Variants in LRFN2 observed in about 807,000 individuals in gnomAD.
The protein encoded by LRFN2 is leucine rich repeat and fibronectin type III domain containing 2.
LRFN2 carries 18 observed loss-of-function variants against 37.3 expected under a neutral mutation model. That is an observed-to-expected ratio of 0.48 (90% CI 0.33 to 0.72). The LOEUF is 0.72. Among genes scored for constraint, LRFN2 ranks in the 30% least tolerant of loss-of-function variants. The pLI, the probability that LRFN2 is intolerant of heterozygous loss-of-function variation, is 0.02. For missense variants in LRFN2, 1,006 were observed against 1,060.7 expected, an observed-to-expected ratio of 0.95 and a Z score of 0.72; for synonymous variants, 556 against 466.6, an observed-to-expected ratio of 1.19 and a Z score of -2.47.
In LRFN2 at chr6:40,401,953, C is replaced by T. The variant is rs554455926; in HGVS notation, c.1401-9041G>A. Among the ~76,000 whole-genome samples, 5 of 152,272 alleles carry T rather than the reference C, an allele frequency of 3.3e-5. No homozygotes were observed. In the South Asian group the frequency reaches 1.0e-3, roughly 32 times the overall value. ...CCCCTGGCTCTCTGTGTCCTCATTA[C>T]TGGCTCTTCACAGAACCACTGGCTT... is the stretch of plus-strand genomic sequence containing the variant. On this transcript the variant is annotated intron_variant, in intron 2 of 2. Coordinates refer to ENST00000338305, the MANE Select transcript of LRFN2 (RefSeq NM_020737.3).
At chr6:40,418,678 C>T (rs1159556512) in intron 2 of LRFN2, among the ~76,000 whole-genome samples, 2 of 152,198 alleles carry the variant, frequency 1.3e-5, no homozygotes, top group African/African-American at 4.8e-5. Context: ...CTCAAGCTCC[C>T]CTGCCTCCAA....
chr6:40,413,966 G>C (rs1205772326), intron 2 of LRFN2, among the ~76,000 whole-genome samples: 1 of 152,162 alleles, frequency 6.6e-6, no homozygotes, highest in East Asian at 1.9e-4. Context: ...AGGGTTGAAG[G>C]AAATGGGCTC....
At chr6:40,459,697 C>G (rs1055883877) in intron 1 of LRFN2, among the ~76,000 whole-genome samples, 3 of 152,198 alleles carry the variant, frequency 2.0e-5, no homozygotes, top group African/African-American at 7.2e-5. Flanking sequence ...GGCACTTTCA[C>G]CTATGCTTCT....
intron 2 of LRFN2, among the ~76,000 whole-genome samples, chr6:40,403,224 T>C (rs969997435): frequency 1.2e-4 from 19 of 152,148 alleles, no homozygotes; most frequent in African/African-American, 4.3e-4. Flanking sequence ...GTAGTTAGAA[T>C]TACCAGAATT....
At chr6:40,553,153 T>C (rs910198606) in intron 1 of LRFN2, among the ~76,000 whole-genome samples, 1 of 152,202 alleles carries the variant, frequency 6.6e-6, no homozygotes, top group Non-Finnish European at 1.5e-5. Flanking sequence ...CAGCCACTTC[T>C]AGTTTCTAAT....
intron 2 of LRFN2, among the ~76,000 whole-genome samples, chr6:40,398,285 G>A (rs1262361256): frequency 6.6e-6 from 1 of 151,922 alleles, no homozygotes; most frequent in Non-Finnish European, 1.5e-5. Context: ...TGGGGGCAAA[G>A]TCACCCTCCA....
intron 1 of LRFN2, among the ~76,000 whole-genome samples, chr6:40,464,565 T>C (rs1275659989): frequency 6.6e-6 from 1 of 152,224 alleles, no homozygotes; most frequent in Non-Finnish European, 1.5e-5. Flanking sequence ...CTGTTCCTTA[T>C]AAATTATCCA....
intron 1 of LRFN2, among the ~76,000 whole-genome samples, chr6:40,511,393 C>A (rs1420588784): frequency 6.6e-6 from 1 of 152,144 alleles, no homozygotes; most frequent in Non-Finnish European, 1.5e-5. Context: ...TTGCAGAATG[C>A]GTTTCAATTC....
intron 1 of LRFN2, among the ~76,000 whole-genome samples, chr6:40,539,271 C>T (rs1301418844): frequency 6.6e-6 from 1 of 152,162 alleles, no homozygotes; most frequent in African/African-American, 2.4e-5. Flanking sequence ...TTTGGGGGGT[C>T]ACTGACCCCC....
At chr6:40,491,826 GTC>G (rs368628465) in intron 1 of LRFN2, among the ~76,000 whole-genome samples, 29 of 900 alleles carry the variant, frequency 0.032, 10 homozygotes, top group African/African-American at 0.26. Context: ...CTCTCTGAGT[GTC>G]TGTTTCCCTC....
At chr6:40,478,951 C>G (rs1467562817) in intron 1 of LRFN2, among the ~76,000 whole-genome samples, 4 of 152,190 alleles carry the variant, frequency 2.6e-5, no homozygotes, top group Admixed American at 2.6e-4. Flanking sequence ...CTCTGGGCTT[C>G]TAGGGACTGG....
At chr6:40,578,680 CT>C (rs1200115736) in intron 1 of LRFN2, among the ~76,000 whole-genome samples, 1 of 152,210 alleles carries the variant, frequency 6.6e-6, no homozygotes, top group Non-Finnish European at 1.5e-5. Flanking sequence ...ACTACTACCA[CT>C]AATAGCTCAC....
intron 2 of LRFN2, among the ~76,000 whole-genome samples, chr6:40,410,720 G>A (rs963414980): frequency 3.3e-4 from 50 of 151,942 alleles, no homozygotes; most frequent in African/African-American, 1.0e-3. Context: ...CACCCACCTC[G>A]CAGCAGGACC....
intron 1 of LRFN2, among the ~76,000 whole-genome samples, chr6:40,561,140 A>G (rs1766985940): frequency 6.6e-6 from 1 of 152,170 alleles, no homozygotes; most frequent in Non-Finnish European, 1.5e-5. Context: ...TGGCACTAGG[A>G]ACTCAGGCCC....
In LRFN2 at chr6:40,579,859, A is replaced by G. The variant is rs553454912; in HGVS notation, c.-19+7082T>C. Among the ~76,000 whole-genome samples, 3 of 151,956 alleles carry G rather than the reference A, an allele frequency of 2.0e-5. No individual in the cohort carries two copies. The East Asian group carries it at 5.8e-4, about 29-fold the overall frequency. On this transcript the variant is annotated intron_variant, in intron 1 of 2. Coordinates refer to ENST00000338305, the MANE Select transcript of LRFN2 (RefSeq NM_020737.3). ...GTGGCACGTAGTAGGCATTCAATTA[A>G]TGCTTGCTGAATTAAACTAAACAGA... is the stretch of plus-strand genomic sequence containing the variant.
chr6:40,517,059 G>C (rs1442470420), intron 1 of LRFN2, among the ~76,000 whole-genome samples: 2 of 152,160 alleles, frequency 1.3e-5, no homozygotes, highest in Non-Finnish European at 2.9e-5. Context: ...ATCAGCACTT[G>C]CTGGAAAGAA....
chr6:40,499,311 C>T (rs375320257), intron 1 of LRFN2, among the ~76,000 whole-genome samples: 6 of 152,262 alleles, frequency 3.9e-5, no homozygotes, highest in South Asian at 2.1e-4. Flanking sequence ...ACTGTCAGGA[C>T]GGGGCCAAGC....
rs776519359 is a variant in LRFN2 at position 40,392,529 on chromosome 6, G to T, written c.1784C>A (p.Pro595Gln). The T allele has an allele frequency of 6.4e-7, 1 of 1,570,754 alleles. No homozygotes were observed. The highest frequency in any genetic ancestry group is 1.1e-5 in the South Asian group (1 of 88,430). Residue 595 changes from proline (P) to glutamine (Q), a missense_variant, in exon 3 of 3, where the codon CCG becomes CAG. By Grantham distance (76) the Pro-to-Gln change is moderately conservative. Around this residue, in one of 4 missense-constraint regions of LRFN2, gnomAD observed 398 missense variants for 327.6 expected, o/e 1.21. Transcript: ENST00000338305. The surrounding 1 kb of genome is among the most constrained non-coding windows in gnomAD (Gnocchi z 4.7). Reference protein sequence around the residue: ...PPPSSAPAGAPPQGPPKVVVR... With the variant: ...PPPSSAPAGAQPQGPPKVVVR... ...CACCACCTTCGGCGGGCCCTGCGGC[G>T]GGGCCCCGGCTGGTGCGCTGCTTGG...
At chr6:40,537,407 C>G (rs1766469679) in intron 1 of LRFN2, among the ~76,000 whole-genome samples, 2 of 152,226 alleles carry the variant, frequency 1.3e-5, no homozygotes, top group South Asian at 4.1e-4. Context: ...TGTGCCCCCA[C>G]CAGTCACAAC....
Sources: gnomAD v4.1 joint callset for allele counts (sites outside exome capture counted in the v4.1 genomes callset) on GRCh38, gnomAD v4.1.1 for gene constraint, gnomAD v4.1.1 regional missense constraint, Gnocchi (gnomAD v3.1) non-coding constraint, MANE v1.5 for transcripts, NCBI Gene and HGNC (gene_info 2026-07-23, HGNC 2026-07-21) for gene names.